The following UVRAG variants were observed in gnomAD, a reference collection of about 807,000 sequenced individuals.
UVRAG encodes the protein UV radiation resistance associated.
In UVRAG, 19 loss-of-function variants were observed where a neutral mutation model predicts 78.0. The ratio of observed to expected loss-of-function variants is 0.24; its 90% CI spans 0.17 to 0.36. The LOEUF is 0.36. Among genes scored for constraint, UVRAG ranks in the 10% least tolerant of loss-of-function variants. UVRAG has a pLI of 1.00. For synonymous variants in UVRAG, 323 were observed against 324.6 expected, an observed-to-expected ratio of 1.00 and a Z score of 0.05; for missense variants, 740 against 853.8, an observed-to-expected ratio of 0.87 and a Z score of 1.66.
intron 14 of UVRAG, among the ~76,000 whole-genome samples, chr11:76,135,857 T>G (rs944822655): frequency 4.6e-5 from 7 of 152,254 alleles, no homozygotes; most frequent in Non-Finnish European, 1.0e-4. Context: ...AAAGCTACTG[T>G]GTTTCCTAAT....
At chr11:75,834,649 C>G (rs1416059306) in intron 1 of UVRAG, among the ~76,000 whole-genome samples, 1 of 151,938 alleles carries the variant, frequency 6.6e-6, no homozygotes, top group African/African-American at 2.4e-5. Context: ...CCTGTCTGTA[C>G]TAAAAATACA....
At chr11:75,833,376 C>T (rs942601317) in intron 1 of UVRAG, among the ~76,000 whole-genome samples, 1 of 152,158 alleles carries the variant, frequency 6.6e-6, no homozygotes, top group African/African-American at 2.4e-5. Context: ...CTCTTTCTCT[C>T]TTTCTGAATA....
chr11:75,951,359 G>GTA (rs987229092), intron 6 of UVRAG, among the ~76,000 whole-genome samples: 1 of 118,778 alleles, frequency 8.4e-6, no homozygotes, highest in Admixed American at 7.9e-5. Context: ...GTGTGTGTGT[G>GTA]TATATATTTT....
intron 4 of UVRAG, among the ~76,000 whole-genome samples, chr11:75,881,315 A>G (rs1304053408): frequency 2.6e-5 from 4 of 152,170 alleles, no homozygotes; most frequent in Admixed American, 1.3e-4. Context: ...ACATCAATCA[A>G]TACATGTAAG....
chr11:76,014,448 T>G (rs549844725), intron 11 of UVRAG, among the ~76,000 whole-genome samples: 1 of 152,364 alleles, frequency 6.6e-6, no homozygotes, highest in South Asian at 2.1e-4. Flanking sequence ...ATTATCTGTC[T>G]TTAAGTCCTC....
chr11:76,001,230 T>C (rs1175660401), intron 8 of UVRAG, among the ~76,000 whole-genome samples: 1 of 152,094 alleles, frequency 6.6e-6, no homozygotes, highest in African/African-American at 2.4e-5. Flanking sequence ...AATATATATA[T>C]CATAAACCAC....
At chr11:76,115,801 A>T in intron 13 of UVRAG, 123 bp from the exon 14 acceptor site, 1 of 838,324 alleles carries the variant, frequency 1.2e-6, no homozygotes, top group Non-Finnish European at 1.9e-6. Context: ...TGAGGCTGAT[A>T]ATAGTATCAA....
chr11:76,143,519 G>A lies in UVRAG; in HGVS notation c.*2106G>A, dbSNP rs79031851. On this transcript the variant is annotated 3_prime_UTR_variant, in exon 15 of 15. Coordinates refer to ENST00000356136, the MANE Select transcript of UVRAG (RefSeq NM_003369.4). ...GGGAGCCCTGCTCTTGAATGTCATC[G>A]GGCTGCTCAGAGCTGATTGCTAGGT... is the stretch of plus-strand genomic sequence containing the variant. 2.5e-3 allele frequency among the ~76,000 whole-genome samples: 377 copies of A among 152,324 alleles called. 4 individuals are homozygous for A. Among genetic ancestry groups the A allele is most frequent in the African/African-American group, 8.8e-3 (366 of 41,570 alleles).
chr11:75,848,654 G>A lies in UVRAG; in HGVS notation c.118-3229G>A, dbSNP rs561381265. The stretch of plus-strand genomic sequence containing the variant: ...GCAGTCAATTCCATGGTAATTGCAT[G>A]TGTCATAAAGTTATTCTTTTGAGTT... On this transcript the variant is annotated intron_variant, in intron 1 of 14. Transcript: ENST00000356136. 3.9e-5 allele frequency among the ~76,000 whole-genome samples: 6 copies of A among 152,294 alleles called. No homozygotes were observed. In the East Asian group the frequency reaches 9.6e-4, roughly 24 times the overall value.
chr11:76,054,466 A>G (rs1029528124), intron 12 of UVRAG, among the ~76,000 whole-genome samples: 1 of 152,218 alleles, frequency 6.6e-6, no homozygotes, highest in African/African-American at 2.4e-5. Flanking sequence ...CATTCAGAGT[A>G]AAAACTGAAG....
intron 2 of UVRAG, among the ~76,000 whole-genome samples, chr11:75,856,148 C>T (rs979164183): frequency 2.9e-4 from 44 of 152,150 alleles, no homozygotes; most frequent in African/African-American, 1.1e-3. Context: ...CGCCACCACG[C>T]CCAGCTAATT....
chr11:75,984,504 A>G (rs948451737), intron 8 of UVRAG, among the ~76,000 whole-genome samples: 3 of 152,292 alleles, frequency 2.0e-5, no homozygotes, highest in East Asian at 1.9e-4. Context: ...GATACTTTCA[A>G]CTTACAATGG....
At chr11:76,054,977 A>C (rs1340047006) in intron 12 of UVRAG, among the ~76,000 whole-genome samples, 1 of 152,182 alleles carries the variant, frequency 6.6e-6, no homozygotes, top group Non-Finnish European at 1.5e-5. Flanking sequence ...CTTTTACTCT[A>C]ATTTCAAATG....
chr11:76,034,859 G>A (rs1173484133), intron 12 of UVRAG, among the ~76,000 whole-genome samples: 1 of 152,186 alleles, frequency 6.6e-6, no homozygotes, highest in African/African-American at 2.4e-5. Flanking sequence ...GGTTCATGAT[G>A]TGGAGAGTCT....
rs944000626 is a variant in UVRAG, at chr11:76,102,750, C to T, written c.1306-13174C>T. ...TATTTTGAGGTATGTTCCTTCAATA[C>T]CTAGTTTGTTGAGAGTTTTTATCAT... On this transcript the variant is annotated intron_variant, in intron 13 of 14. Coordinates refer to ENST00000356136, the MANE Select transcript of UVRAG (RefSeq NM_003369.4). Among the ~76,000 whole-genome samples the T allele has an allele frequency of 3.3e-5, 5 of 152,190 alleles. No individual in the cohort carries two copies. In the South Asian group the frequency reaches 1.0e-3, roughly 32 times the overall value.
Position 76,141,677 on chromosome 11 carries a change from G to T in UVRAG, c.*264G>T, listed in dbSNP as rs756788721. 4 of 475,422 alleles carry T rather than the reference G, an allele frequency of 8.4e-6. No homozygotes were observed. In the East Asian group the frequency reaches 1.5e-4, roughly 18 times the overall value. The allele number at this position is 475,422 out of a possible 1,614,324, so 29.5% of individuals were successfully genotyped here. A position where few individuals can be genotyped will look rare whatever the true frequency, so the allele number is the denominator to read the frequency against. ...CTCTAGTTGAAAGAGCTTACAGCTCGAGTCACCTTTTAGCTATTTGTCTGC... is the reference window on the plus strand; with the variant it reads ...CTCTAGTTGAAAGAGCTTACAGCTCTAGTCACCTTTTAGCTATTTGTCTGC... On this transcript the variant is annotated 3_prime_UTR_variant, in exon 15 of 15. Coordinates refer to ENST00000356136, the MANE Select transcript of UVRAG (RefSeq NM_003369.4).
intron 1 of UVRAG, among the ~76,000 whole-genome samples, chr11:75,836,319 C>A (rs1032557753): frequency 6.6e-6 from 1 of 152,172 alleles, no homozygotes; most frequent in African/African-American, 2.4e-5. Context: ...AAGCACTGAT[C>A]TAGGCCATCT....
intron 12 of UVRAG, among the ~76,000 whole-genome samples, chr11:76,057,715 GT>G (rs202051860): frequency 0.067 from 9,837 of 147,056 alleles, 386 homozygotes; most frequent in East Asian, 0.21. Flanking sequence ...AATGCAAGAT[GT>G]TTTTTTTTTT....
intron 13 of UVRAG, among the ~76,000 whole-genome samples, chr11:76,088,576 G>A (rs1286172680): frequency 1.4e-5 from 2 of 147,554 alleles, no homozygotes; most frequent in South Asian, 2.2e-4. Flanking sequence ...TCACGTTTCA[G>A]CCTCAACTCC....
Sources: gnomAD v4.1 joint callset for allele counts (sites outside exome capture counted in the v4.1 genomes callset) on GRCh38, gnomAD v4.1.1 for gene constraint, MANE v1.5 for transcripts, NCBI Gene and HGNC (gene_info 2026-07-23, HGNC 2026-07-21) for gene names.